Variants in CNTN5 observed in about 807,000 individuals in gnomAD.
The protein encoded by CNTN5 is contactin 5.
A neutral mutation model predicts 129.1 loss-of-function variants in CNTN5; 77 were observed. The ratio of observed to expected loss-of-function variants is 0.60; its 90% CI spans 0.50 to 0.72. The LOEUF is 0.72. Ranked by LOEUF, CNTN5 falls within the 30% of genes least tolerant of loss-of-function variation. CNTN5 has a pLI of 0.00. For synonymous variants in CNTN5, 509 were observed against 465.6 expected, an observed-to-expected ratio of 1.09 and a Z score of -1.20; for missense variants, 1,478 against 1,328.8, an observed-to-expected ratio of 1.11 and a Z score of -1.75.
chr11:99,869,870 A>G (rs1948456724), intron 6 of CNTN5, among the ~76,000 whole-genome samples: 1 of 152,184 alleles, frequency 6.6e-6, no homozygotes, highest in Non-Finnish European at 1.5e-5. Context: ...TCTATTTTAA[A>G]ATGTCAAAAT....
chr11:100,216,558 T>C (rs1949142565), intron 15 of CNTN5, among the ~76,000 whole-genome samples: 1 of 151,854 alleles, frequency 6.6e-6, no homozygotes, highest in Non-Finnish European at 1.5e-5. Context: ...GGGTCACATA[T>C]TGAAAATTTT....
intron 13 of CNTN5, among the ~76,000 whole-genome samples, chr11:100,117,388 T>C (rs1945875929): frequency 6.6e-6 from 1 of 152,046 alleles, no homozygotes; most frequent in Admixed American, 6.6e-5. Context: ...GTTATGCTTC[T>C]AGTGTCTTAT....
chr11:99,094,761 C>T (rs1243839712), intron 1 of CNTN5, among the ~76,000 whole-genome samples: 3 of 151,808 alleles, frequency 2.0e-5, no homozygotes, highest in Non-Finnish European at 2.9e-5. Context: ...TTACCAACCC[C>T]GTCTCCTGTG....
At chr11:99,293,222 T>C (rs1183564064) in intron 1 of CNTN5, among the ~76,000 whole-genome samples, 1 of 152,198 alleles carries the variant, frequency 6.6e-6, no homozygotes, top group African/African-American at 2.4e-5. Flanking sequence ...ATGTGATGTT[T>C]CACATTATCT....
intron 8 of CNTN5, among the ~76,000 whole-genome samples, chr11:99,962,576 G>A (rs1251645201): frequency 6.6e-6 from 1 of 151,248 alleles, no homozygotes; most frequent in South Asian, 2.1e-4. Context: ...ATTTGGGTTG[G>A]TTCCAAGTCT....
intron 3 of CNTN5, among the ~76,000 whole-genome samples, chr11:99,592,918 A>T (rs1460570783): frequency 4.6e-5 from 7 of 152,176 alleles, no homozygotes; most frequent in Admixed American, 4.6e-4. Context: ...TTCTGGATGT[A>T]TGTTAAAATT....
intron 1 of CNTN5, among the ~76,000 whole-genome samples, chr11:99,297,788 A>G (rs1864452983): frequency 6.6e-6 from 1 of 152,222 alleles, no homozygotes; most frequent in African/African-American, 2.4e-5. Context: ...GGGGTAAAAC[A>G]CAAAAATCCC....
chr11:99,585,995 G>A (rs144710208), intron 3 of CNTN5, among the ~76,000 whole-genome samples: 45 of 151,986 alleles, frequency 3.0e-4, no homozygotes, highest in South Asian at 4.2e-4. Flanking sequence ...GTCAGCTACC[G>A]TGTTAGTTTA....
At chr11:100,309,921 G>A in intron 21 of CNTN5, among the ~76,000 whole-genome samples, 1 of 151,822 alleles carries the variant, frequency 6.6e-6, no homozygotes, top group South Asian at 2.1e-4. Flanking sequence ...GTCAGCCTAA[G>A]ATCAATGACT....
At chr11:99,475,687 T>C (rs1009895471) in intron 2 of CNTN5, among the ~76,000 whole-genome samples, 3 of 152,106 alleles carry the variant, frequency 2.0e-5, no homozygotes, top group African/African-American at 7.2e-5. Flanking sequence ...CATTAAATAT[T>C]ATATTGGTTT....
At chr11:99,485,754 T>C (rs1945786874) in intron 2 of CNTN5, among the ~76,000 whole-genome samples, 1 of 152,082 alleles carries the variant, frequency 6.6e-6, no homozygotes. Flanking sequence ...GTCCAATTTA[T>C]AGTTTGGACA....
intron 1 of CNTN5, among the ~76,000 whole-genome samples, chr11:99,061,327 G>A (rs1468723548): frequency 6.6e-6 from 1 of 152,102 alleles, no homozygotes; most frequent in African/African-American, 2.4e-5. Flanking sequence ...GAGTGTGTGG[G>A]GAGAGGGACA....
At chr11:100,151,552 G>A (rs964843218) in intron 13 of CNTN5, among the ~76,000 whole-genome samples, 4 of 152,044 alleles carry the variant, frequency 2.6e-5, no homozygotes, top group Non-Finnish European at 5.9e-5. Context: ...TACTCCTAAC[G>A]GGGCAAGCAA....
chr11:100,322,829 A>G (rs1388235128), intron 21 of CNTN5, among the ~76,000 whole-genome samples: 2 of 152,074 alleles, frequency 1.3e-5, no homozygotes, highest in Non-Finnish European at 2.9e-5. Flanking sequence ...TTTAGATTTA[A>G]CTTTGTGTTA....
At chr11:100,145,455 C>A (rs566567713) in intron 13 of CNTN5, among the ~76,000 whole-genome samples, 1 of 152,078 alleles carries the variant, frequency 6.6e-6, no homozygotes, top group South Asian at 2.1e-4. Flanking sequence ...GTGACTCTTA[C>A]GTAGGTAGGT....
intron 6 of CNTN5, among the ~76,000 whole-genome samples, chr11:99,909,958 T>C (rs925061031): frequency 6.7e-6 from 1 of 149,008 alleles, no homozygotes; most frequent in African/African-American, 2.4e-5. Context: ...ACTTAAAGTA[T>C]AATAATAATA....
intron 6 of CNTN5, among the ~76,000 whole-genome samples, chr11:99,883,228 C>A (rs1948817459): frequency 6.6e-6 from 1 of 152,104 alleles, no homozygotes; most frequent in South Asian, 2.1e-4. Context: ...TGGGTGTATA[C>A]CAAGCAGTGG....
At chr11:99,169,179 A>G (rs1344609247) in intron 1 of CNTN5, among the ~76,000 whole-genome samples, 1 of 152,174 alleles carries the variant, frequency 6.6e-6, no homozygotes, top group Non-Finnish European at 1.5e-5. Context: ...CTTTGCCCTT[A>G]TTTTAGAAAA....
At chr11:99,679,914 CA>C (rs1452931115) in intron 3 of CNTN5, among the ~76,000 whole-genome samples, 2 of 152,136 alleles carry the variant, frequency 1.3e-5, no homozygotes, top group Non-Finnish European at 2.9e-5. Context: ...GAAAGTGAAA[CA>C]GCTGCATTCC....
Sources: gnomAD v4.1 joint callset for allele counts (sites outside exome capture counted in the v4.1 genomes callset) on GRCh38, gnomAD v4.1.1 for gene constraint, MANE v1.5 for transcripts, NCBI Gene and HGNC (gene_info 2026-07-23, HGNC 2026-07-21) for gene names.